The following VPS45 variants were observed in gnomAD, a reference collection of about 807,000 sequenced individuals.
The protein encoded by VPS45 is vacuolar protein sorting-associated protein 45.
In VPS45, 35 loss-of-function variants were observed where a neutral mutation model predicts 75.9. The ratio of observed to expected loss-of-function variants is 0.46; its 90% CI spans 0.35 to 0.61. The LOEUF (loss-of-function observed/expected upper bound fraction) is 0.61, where lower values mean the gene tolerates loss of function less well. Ranked by LOEUF, VPS45 falls within the 20% of genes least tolerant of loss-of-function variation. The pLI, the probability that VPS45 is intolerant of heterozygous loss-of-function variation, is 0.00. For synonymous variants in VPS45, 220 were observed against 238.2 expected (o/e 0.92, Z 0.70); for missense variants, 559 against 685.9 (o/e 0.81, Z 2.07).
intron 14 of VPS45, among the ~76,000 whole-genome samples, chr1:150,143,704 C>T (rs1321020386): frequency 6.6e-6 from 1 of 152,008 alleles, no homozygotes; most frequent in Non-Finnish European, 1.5e-5. Context: ...AGTAGTTGGG[C>T]ATGGATGGCA....
At chr1:150,084,586 G>A (rs1310827141) in intron 10 of VPS45, among the ~76,000 whole-genome samples, 1 of 152,120 alleles carries the variant, frequency 6.6e-6, no homozygotes, top group Non-Finnish European at 1.5e-5. Flanking sequence ...CCATTTCTAA[G>A]CCACTTATAA....
chr1:150,070,832 TA>T (rs1222429555), intron 2 of VPS45, among the ~76,000 whole-genome samples: 1 of 151,636 alleles, frequency 6.6e-6, no homozygotes, highest in East Asian at 1.9e-4. Flanking sequence ...AAATAAAAAT[TA>T]AAAATAATTT....
rs1553801960 is a variant in VPS45, at chr1:150,091,934, C to T, written c.1105-3C>T. The stretch of plus-strand genomic sequence containing the variant: ...GATAAATATAAGTTCTATCTTTCTT[C>T]AGAATATAAAAAGGCTTCTGCAGAA... On this transcript the variant is annotated splice_region_variant and splice_polypyrimidine_tract_variant and intron_variant, in intron 10 of 14. Transcript: ENST00000644510. 1 of 1,611,476 alleles carries T rather than the reference C, an allele frequency of 6.2e-7. No individual in the cohort carries two copies. The highest frequency in any genetic ancestry group is 1.7e-5 in the Admixed American group (1 of 59,266).
chr1:150,078,455 CTG>C (rs782343549), intron 7 of VPS45, among the ~76,000 whole-genome samples: 8 of 152,250 alleles, frequency 5.3e-5, no homozygotes, highest in Non-Finnish European at 1.0e-4. Context: ...TATCAAAATA[CTG>C]CTGTTAAAAC....
chr1:150,143,512 T>A (rs1659509487), intron 14 of VPS45, among the ~76,000 whole-genome samples: 2 of 150,234 alleles, frequency 1.3e-5, no homozygotes, highest in Admixed American at 1.3e-4. Context: ...CGTTTGAACC[T>A]GGGAGGCAGA....
chr1:150,076,065 T>A (rs1003103284), intron 3 of VPS45, among the ~76,000 whole-genome samples, 168 bp from the exon 4 acceptor site: 34 of 143,338 alleles, frequency 2.4e-4, no homozygotes, highest in Middle Eastern at 7.8e-3. Flanking sequence ...CCTTTTAAAA[T>A]ATATATATAT....
chr1:150,133,490 G>T (rs587749980), intron 14 of VPS45, among the ~76,000 whole-genome samples: 1 of 152,170 alleles, frequency 6.6e-6, no homozygotes, highest in Non-Finnish European at 1.5e-5. Context: ...GGAGGTGGAG[G>T]TTGCAGTGAG....
chr1:150,128,355 A>G (rs1257957813), intron 14 of VPS45, among the ~76,000 whole-genome samples: 5 of 152,052 alleles, frequency 3.3e-5, no homozygotes, highest in African/African-American at 4.8e-5. Context: ...TTAGTTTCAT[A>G]ACTATCTGAA....
chr1:150,092,941 T>C (rs1418380590), intron 12 of VPS45, among the ~76,000 whole-genome samples: 2 of 150,894 alleles, frequency 1.3e-5, no homozygotes, highest in East Asian at 3.9e-4. Context: ...TCCCGGGTTT[T>C]ACGCCATTCT....
Position 150,081,825 on chromosome 1 carries a change from CA to C in VPS45, c.823-57del, listed in dbSNP as rs1370224990. The C allele has an allele frequency of 5.6e-6, 6 of 1,079,144 alleles. No individual in the cohort carries two copies. The Admixed American group carries it at 1.4e-4, about 26-fold the overall frequency. 66.8% of individuals were successfully genotyped at this position (1,079,144 alleles called of 1,614,324 possible). A position where few individuals can be genotyped will look rare whatever the true frequency, so the allele number is the denominator to read the frequency against. The stretch of plus-strand genomic sequence containing the variant: ...GTTCCAAATTCTTTTTCACTTCTTT[CA>C]AGTTGTCTGAAAGTCAGACTAGTTG... On this transcript the variant is annotated intron_variant, in intron 8 of 14. Transcript: ENST00000644510.
chr1:150,097,347 C>T (rs1382658434), intron 13 of VPS45, among the ~76,000 whole-genome samples: 2 of 151,474 alleles, frequency 1.3e-5, no homozygotes, highest in Non-Finnish European at 1.5e-5. Flanking sequence ...CCTCGTGATC[C>T]GCCCGCCTCG....
rs782079739 is a variant in VPS45 at position 150,081,853 on chromosome 1, T to C, written c.823-31T>C. On this transcript the variant is annotated intron_variant, in intron 8 of 14. Transcript: ENST00000644510. ...GTTGTCTGAAAGTCAGACTAGTTGA[T>C]GAAGTGTGCTTCCAACTTTCTTTTT... 2.2e-6 allele frequency: 3 copies of C among 1,369,360 alleles called. No homozygotes were observed. In the South Asian group the frequency reaches 3.7e-5, roughly 17 times the overall value. 84.8% of individuals were successfully genotyped at this position (1,369,360 alleles called of 1,614,324 possible).
intron 13 of VPS45, among the ~76,000 whole-genome samples, chr1:150,105,902 A>G (rs1047604945): frequency 1.3e-5 from 2 of 152,216 alleles, no homozygotes; most frequent in East Asian, 1.9e-4. Flanking sequence ...TGGTACAAAA[A>G]CAGACACATA....
chr1:150,077,903 G>A, intron 7 of VPS45, 124 bp downstream of exon 7: 1 of 786,142 alleles, frequency 1.3e-6, no homozygotes, highest in Non-Finnish European at 2.1e-6. Flanking sequence ...TCTTGGTTTT[G>A]CTTTGTATTT....
chr1:150,107,607 A>C (rs1553806072), intron 13 of VPS45, among the ~76,000 whole-genome samples: 1 of 152,134 alleles, frequency 6.6e-6, no homozygotes, highest in Admixed American at 6.6e-5. Context: ...CCTTCAAAAA[A>C]GCAAATTTGG....
At chr1:150,077,877 CCTT>C in intron 7 of VPS45, 98 bp downstream of exon 7, 1 of 979,464 alleles carries the variant, frequency 1.0e-6, no homozygotes, top group Non-Finnish European at 1.6e-6. Context: ...TTATTTGCCT[CCTT>C]ATTTTTAGCT....
rs368491010 is a variant in VPS45 at position 150,115,431 on chromosome 1, TTTC to T, written c.1625+4805_1625+4807del. On this transcript the variant is annotated intron_variant, in intron 14 of 14. Transcript: ENST00000644510. The stretch of plus-strand genomic sequence containing the variant: ...TTAGTATCCTCTTTTTTTCTCATGT[TTTC>T]AAATCCTTTATTTTTCCTAAACCAC... Among the ~76,000 whole-genome samples, 44 of 152,338 alleles carry T rather than the reference TTTC, an allele frequency of 2.9e-4. 1 individual carries two copies. In the East Asian group the frequency reaches 7.1e-3, roughly 25 times the overall value.
intron 3 of VPS45, among the ~76,000 whole-genome samples, chr1:150,073,244 A>G (rs1215102696): frequency 6.6e-6 from 1 of 152,198 alleles, no homozygotes; most frequent in Non-Finnish European, 1.5e-5. Flanking sequence ...ACTAGATTTA[A>G]CAGTAAGTAG....
At chr1:150,101,095 C>T (rs183638264) in intron 13 of VPS45, among the ~76,000 whole-genome samples, 2 of 151,980 alleles carry the variant, frequency 1.3e-5, no homozygotes, top group African/African-American at 4.8e-5. Context: ...ATGGTGAAAC[C>T]CTGTCTCTAC....
Sources: gnomAD v4.1 joint callset for allele counts (sites outside exome capture counted in the v4.1 genomes callset) on GRCh38, gnomAD v4.1.1 for gene constraint, MANE v1.5 for transcripts, NCBI Gene and HGNC (gene_info 2026-07-23, HGNC 2026-07-21) for gene names.